MEP1B: variants seen among roughly 807,000 people sequenced by gnomAD.
MEP1B encodes meprin A subunit beta, also known as N-benzoyl-L-tyrosyl-P-amino-benzoic acid hydrolase subunit beta.
Under a neutral mutation model 84.6 loss-of-function variants are expected in MEP1B, and 80 were observed. The observed-to-expected ratio is 0.95, with a 90% CI of 0.79 to 1.14. MEP1B has a LOEUF of 1.14. MEP1B is among the 50% of genes most tolerant of loss of function. The probability of loss-of-function intolerance (pLI) is 0.00; values close to 1 mark genes in which losing one functional copy is unlikely to be tolerated. For synonymous variants in MEP1B, 273 were observed against 288.1 expected (o/e 0.95, Z 0.53); for missense variants, 766 against 855.1 (o/e 0.90, Z 1.30).
chr18:32,198,144 A>G (rs1252588220), intron 5 of MEP1B, among the ~76,000 whole-genome samples: 1 of 152,224 alleles, frequency 6.6e-6, no homozygotes, highest in Non-Finnish European at 1.5e-5. Flanking sequence ...CAACCTGGAT[A>G]GAAAAGCATA....
rs1462666106 is a variant in MEP1B at position 32,196,545 on chromosome 18, G to A, written c.250+1060G>A. 1 of 701,574 alleles carries A rather than the reference G, an allele frequency of 1.4e-6. No individual in the cohort carries two copies. The highest frequency in any genetic ancestry group is 2.6e-6 in the Non-Finnish European group (1 of 381,796). The allele number at this position is 701,574 out of a possible 1,614,324, so 43.5% of individuals were successfully genotyped here. A position where few individuals can be genotyped will look rare whatever the true frequency, so the allele number is the denominator to read the frequency against. On this transcript the variant is annotated intron_variant, in intron 5 of 14. Coordinates refer to ENST00000269202, the MANE Select transcript of MEP1B (RefSeq NM_005925.3). This position sits in a 1 kb window ranked among gnomAD's most constrained non-coding sequence, Gnocchi z 4.4. ...GCCAAGGGCCACCTTGAGAGCTTTG[G>A]GCCCTTGGTACTTGGTGCTGACGGC...
Position 32,196,680 on chromosome 18 carries a change from C to A in MEP1B, c.250+1195C>A. 1 of 658,546 alleles carries A rather than the reference C, an allele frequency of 1.5e-6. No homozygotes were observed. The allele number at this position is 658,546 out of a possible 1,614,324, so 40.8% of individuals were successfully genotyped here. A position where few individuals can be genotyped will look rare whatever the true frequency, so the allele number is the denominator to read the frequency against. ...TCGGGGTGTCTTCCCCAAGCACCAG[C>A]GCATGAGGTAGTGGGCGCCCTGCAG... is the stretch of plus-strand genomic sequence containing the variant. On this transcript the variant is annotated intron_variant, in intron 5 of 14. Coordinates refer to ENST00000269202, the MANE Select transcript of MEP1B (RefSeq NM_005925.3). This position sits in a 1 kb window ranked among gnomAD's most constrained non-coding sequence, Gnocchi z 4.4.
chr18:32,208,294 A>G, intron 9 of MEP1B, 23 bp downstream of exon 9: 1 of 1,600,442 alleles, frequency 6.2e-7, no homozygotes, highest in Non-Finnish European at 8.5e-7. Flanking sequence ...AGATATTCCT[A>G]GACTGTATAC....
At chr18:32,216,281 A>G (rs978660896) in intron 12 of MEP1B, among the ~76,000 whole-genome samples, 3 of 152,198 alleles carry the variant, frequency 2.0e-5, no homozygotes, top group Non-Finnish European at 4.4e-5. Context: ...TGGAGAGATT[A>G]TTCAGAAATA....
At chr18:32,194,503 C>T (rs1034139837) in intron 4 of MEP1B, among the ~76,000 whole-genome samples, 1 of 151,756 alleles carries the variant, frequency 6.6e-6, no homozygotes, top group Admixed American at 6.6e-5. Context: ...TCTTCCCTCC[C>T]CTCTCCTCTC....
At position 32,216,935 on chromosome 18, in the gene MEP1B, C is replaced by A; in HGVS notation, c.1760-56C>A. On this transcript the variant is annotated intron_variant, in intron 12 of 14. Transcript: ENST00000269202. Reference sequence around the variant, plus strand: ...TTAAAAGAAAATGAAAATTAAAGATCAAATGATTGTTAAACAAAAGCTGAT... The same window carrying A: ...TTAAAAGAAAATGAAAATTAAAGATAAAATGATTGTTAAACAAAAGCTGAT... The A allele has an allele frequency of 2.6e-6, 4 of 1,518,414 alleles. No individual in the cohort carries two copies. The South Asian group carries it at 3.9e-5, about 15-fold the overall frequency. The allele number at this position is 1,518,414 out of a possible 1,614,324, so 94.1% of individuals were successfully genotyped here.
intron 5 of MEP1B, among the ~76,000 whole-genome samples, chr18:32,197,432 G>T (rs973452931): frequency 6.9e-6 from 1 of 144,228 alleles, no homozygotes; most frequent in African/African-American, 2.6e-5. Context: ...TTGAGACAGA[G>T]TCTTGCTCTG....
intron 5 of MEP1B, among the ~76,000 whole-genome samples, chr18:32,198,999 A>G (rs2040882378): frequency 6.6e-6 from 1 of 152,142 alleles, no homozygotes; most frequent in Non-Finnish European, 1.5e-5. Context: ...AAGAGATTCT[A>G]GTGCTCAGGA....
chr18:32,210,810 C>T (rs947892221), intron 10 of MEP1B, 94 bp downstream of exon 10: 1 of 971,368 alleles, frequency 1.0e-6, no homozygotes, highest in African/African-American at 1.6e-5. Context: ...AGGGCAGGGG[C>T]TACTGAGTCA....
chr18:32,196,891 G>A lies in MEP1B; in HGVS notation c.250+1406G>A, dbSNP rs1396855111. On this transcript the variant is annotated intron_variant, in intron 5 of 14. Coordinates refer to ENST00000269202, the MANE Select transcript of MEP1B (RefSeq NM_005925.3). The surrounding 1 kb of genome is among the most constrained non-coding windows in gnomAD (Gnocchi z 4.4). Reference sequence around the variant, plus strand: ...TAGTGGAGGCGGGCAAGGAGGCGCAGGCAGGCTCAGATCTCCACGTGCACT... The same window carrying A: ...TAGTGGAGGCGGGCAAGGAGGCGCAAGCAGGCTCAGATCTCCACGTGCACT... 4.4e-6 allele frequency: 2 copies of A among 458,660 alleles called. No homozygotes were observed. The highest frequency in any genetic ancestry group is 2.0e-5 in the African/African-American group (1 of 50,084). The allele number at this position is 458,660 out of a possible 1,614,324, so 28.4% of individuals were successfully genotyped here. A position where few individuals can be genotyped will look rare whatever the true frequency, so the allele number is the denominator to read the frequency against.
chr18:32,215,315 T>C lies in MEP1B; in HGVS notation c.1759+54T>C, dbSNP rs954464039. ...ACTAGTTTTTTTTTGTTGTGGCCAC[T>C]GATTATTTTCTGTTTTTCTTTCTGC... is the stretch of plus-strand genomic sequence containing the variant. On this transcript the variant is annotated intron_variant, in intron 12 of 14. Transcript: ENST00000269202. 4.4e-6 allele frequency: 5 copies of C among 1,134,122 alleles called. No homozygotes were observed. The African/African-American group carries it at 6.4e-5, about 14-fold the overall frequency. The allele number at this position is 1,134,122 out of a possible 1,614,324, so 70.3% of individuals were successfully genotyped here. A position where few individuals can be genotyped will look rare whatever the true frequency, so the allele number is the denominator to read the frequency against.
intron 4 of MEP1B, among the ~76,000 whole-genome samples, chr18:32,194,435 C>T (rs1466021369): frequency 2.6e-5 from 4 of 152,140 alleles, no homozygotes; most frequent in Non-Finnish European, 5.9e-5. Context: ...AATCATCTCC[C>T]GATTTAGTCC....
chr18:32,218,391 C>A (rs867485697), intron 14 of MEP1B, among the ~76,000 whole-genome samples: 2 of 152,118 alleles, frequency 1.3e-5, no homozygotes, highest in African/African-American at 4.8e-5. Context: ...TTTGGGGAAG[C>A]TTTTTCATTA....
In MEP1B at chr18:32,204,207, C is replaced by T. The variant is rs201378742; in HGVS notation, c.394C>T (p.Arg132Trp). The T allele has an allele frequency of 2.0e-4, 324 of 1,606,408 alleles. 2 individuals are homozygous for T. The highest frequency in any genetic ancestry group is 2.0e-4 in the East Asian group (9 of 44,728). Residue 132 changes from arginine to tryptophan, a missense_variant, in exon 7 of 15, where the codon CGG becomes TGG. Transcript: ENST00000269202. ...SGCWSSVGNR[R>W]VGKQELSIGA... ...CTGCTGGTCTTCAGTAGGAAATAGGCGGGTTGGGAAGCAAGAACTTTCCAT... is the reference window on the plus strand; with the variant it reads ...CTGCTGGTCTTCAGTAGGAAATAGGTGGGTTGGGAAGCAAGAACTTTCCAT...
intron 5 of MEP1B, among the ~76,000 whole-genome samples, chr18:32,200,879 G>A (rs1014134985): frequency 6.6e-6 from 1 of 152,164 alleles, no homozygotes; most frequent in African/African-American, 2.4e-5. Context: ...ACCTGAAGGG[G>A]CTACTAAGGG....
intron 12 of MEP1B, among the ~76,000 whole-genome samples, chr18:32,216,639 C>T (rs9961628): frequency 0.03 from 4,493 of 152,254 alleles, 201 homozygotes; most frequent in African/African-American, 0.099. Context: ...GCCTAGTTTC[C>T]CTTTGCCTAG....
chr18:32,208,695 A>T (rs1353297856), intron 9 of MEP1B, among the ~76,000 whole-genome samples: 1 of 152,270 alleles, frequency 6.6e-6, no homozygotes, highest in Non-Finnish European at 1.5e-5. Context: ...TTACAAAAAT[A>T]TCTAAAAAGC....
chr18:32,210,502 T>C lies in MEP1B; in HGVS notation c.921T>C (p.Gly307=). The C allele has an allele frequency of 6.2e-7, 1 of 1,613,272 alleles. No individual in the cohort carries two copies. The highest frequency in any genetic ancestry group is 8.5e-7 in the Non-Finnish European group (1 of 1,179,408). The change falls in exon 10 of 15, where the codon GGT becomes GGC. Residue 307 remains glycine (G), a splice_region_variant and synonymous_variant. Transcript: ENST00000269202. ...CTCAATTCTGCTTTTCTTTAACAGG[T>C]TCTGGTTTCTTCATGCATTTCGATA... ...SDHSNMGQCQ[G]SGFFMHFDSS... is the part of the protein sequence containing the mutation.
chr18:32,211,863 T>C (rs945886650), intron 10 of MEP1B, among the ~76,000 whole-genome samples: 1 of 152,096 alleles, frequency 6.6e-6, no homozygotes, highest in African/African-American at 2.4e-5. Context: ...TATTATGCAA[T>C]ATAGTATGCC....
Sources: allele counts gnomAD v4.1 joint callset (sites outside exome capture counted in the v4.1 genomes callset), GRCh38; gene constraint gnomAD v4.1.1; non-coding constraint Gnocchi (gnomAD v3.1); transcripts MANE v1.5; gene names NCBI Gene and HGNC (gene_info 2026-07-23, HGNC 2026-07-21).